Variants in DNM1 observed in about 807,000 individuals in gnomAD.
DNM1 encodes the protein dynamin 1.
A neutral mutation model predicts 104.6 loss-of-function variants in DNM1; 29 were observed. The ratio of observed to expected loss-of-function variants is 0.28; its 90% CI spans 0.21 to 0.38. The LOEUF is 0.38. Ranked by LOEUF, DNM1 falls within the 10% of genes least tolerant of loss-of-function variation. The pLI is 1.00. For missense variants in DNM1, 640 were observed against 1,189.4 expected (o/e 0.54, Z 6.79); for synonymous variants, 445 against 475.8 (o/e 0.94, Z 0.84).
chr9:128,208,823 T>G (rs1265914953), intron 1 of DNM1, among the ~76,000 whole-genome samples: 1 of 152,098 alleles, frequency 6.6e-6, no homozygotes. Context: ...TTCTGGGCCA[T>G]CAGAAGGCCT....
chr9:128,216,186 C>A (rs549924011), intron 1 of DNM1, among the ~76,000 whole-genome samples: 37 of 152,282 alleles, frequency 2.4e-4, no homozygotes, highest in African/African-American at 8.4e-4. Context: ...CCCCAGAGCC[C>A]GGCACAGGGC....
At chr9:128,225,904 C>A in intron 10 of DNM1, 1 of 736,278 alleles carries the variant, frequency 1.4e-6, no homozygotes, top group Non-Finnish European at 2.3e-6. Flanking sequence ...GTGTCGATGT[C>A]TCTCTCTCTT....
At chr9:128,206,983 A>G (rs1834010408) in intron 1 of DNM1, among the ~76,000 whole-genome samples, 1 of 152,054 alleles carries the variant, frequency 6.6e-6, no homozygotes, top group African/African-American at 2.4e-5. Context: ...CTTCAGCTGC[A>G]ACCAGAAGGA....
At chr9:128,215,234 C>G (rs1834534101) in intron 1 of DNM1, among the ~76,000 whole-genome samples, 1 of 152,218 alleles carries the variant, frequency 6.6e-6, no homozygotes, top group Non-Finnish European at 1.5e-5. Flanking sequence ...AAGGAGCCAG[C>G]CTGGCACTGG....
rs1834740536 is a variant in DNM1 at position 128,218,398 on chromosome 9, C to T, written c.235+94C>T. 3 of 1,482,674 alleles carry T rather than the reference C, an allele frequency of 2.0e-6. No individual in the cohort carries two copies. The South Asian group carries it at 3.4e-5, about 17-fold the overall frequency. 91.8% of individuals were successfully genotyped at this position (1,482,674 alleles called of 1,614,324 possible). A position where few individuals can be genotyped will look rare whatever the true frequency, so the allele number is the denominator to read the frequency against. ...GCCAGCCTGGCCACGAACTTGCTTG[C>T]TGTGTGACTGTGGGCCTCGTTCCCC... On this transcript the variant is annotated intron_variant, in intron 2 of 21. Coordinates refer to ENST00000372923, the MANE Select transcript of DNM1 (RefSeq NM_004408.4). The surrounding 1 kb of genome is among the most constrained non-coding windows in gnomAD (Gnocchi z 4.8).
chr9:128,221,003 C>T (rs1289704363), intron 6 of DNM1: 3 of 128,210 alleles, frequency 2.3e-5, no homozygotes, highest in African/African-American at 9.2e-5. Context: ...CCCTTCCTTC[C>T]TTCCTTCCTT....
intron 1 of DNM1, among the ~76,000 whole-genome samples, chr9:128,209,378 G>A (rs1185267294): frequency 1.3e-5 from 2 of 152,202 alleles, no homozygotes; most frequent in African/African-American, 4.8e-5. Flanking sequence ...ACCCAGGGAA[G>A]GGGGTGCAGG....
chr9:128,242,835 A>G (rs1252454471), intron 15 of DNM1, among the ~76,000 whole-genome samples: 2 of 150,472 alleles, frequency 1.3e-5, no homozygotes, highest in South Asian at 2.1e-4. Context: ...AGGGGGAGGC[A>G]CCCTCTCACC....
At position 128,254,513 on chromosome 9, in the gene DNM1, C is replaced by T; in HGVS notation, c.2535-141C>T. On this transcript the variant is annotated intron_variant, in intron 21 of 21. Coordinates refer to ENST00000372923, the MANE Select transcript of DNM1 (RefSeq NM_004408.4). This position sits in a 1 kb window ranked among gnomAD's most constrained non-coding sequence, Gnocchi z 6.1. ...CCCCTTTTCCAGGAACCTTGCCACA[C>T]CCACACCTGCAGCCTCCCCTCCCCG... The T allele has an allele frequency of 6.5e-7, 1 of 1,538,700 alleles. No individual in the cohort carries two copies. Among genetic ancestry groups the T allele is most frequent in the Non-Finnish European group, 8.7e-7 (1 of 1,151,086 alleles).
intron 1 of DNM1, among the ~76,000 whole-genome samples, chr9:128,208,241 AT>A (rs1280304929): frequency 6.6e-6 from 1 of 151,778 alleles, no homozygotes; most frequent in Non-Finnish European, 1.5e-5. Flanking sequence ...TGTATTTTTA[AT>A]AGAGATGGAG....
chr9:128,244,497 C>T (rs1050268653), intron 15 of DNM1, among the ~76,000 whole-genome samples: 24 of 151,924 alleles, frequency 1.6e-4, no homozygotes, highest in Admixed American at 1.5e-3. Flanking sequence ...TTGGGCAGAC[C>T]GGCGGCTGCC....
In DNM1 at chr9:128,248,797, G is replaced by A. The variant is rs201564853; in HGVS notation, c.2076+44G>A. 1.4e-4 allele frequency: 223 copies of A among 1,591,386 alleles called. 3 individuals are homozygous for A. In the African/African-American group the frequency reaches 2.6e-3, roughly 19 times the overall value. ...GGGGGCAGGGAAATCCTGTGGCACT[G>A]GGGATGCAGGTGGCCATGTTGGCCT... On this transcript the variant is annotated intron_variant, in intron 19 of 21. Transcript: ENST00000372923. The surrounding 1 kb of genome is among the most constrained non-coding windows in gnomAD (Gnocchi z 5.6).
In DNM1 at chr9:128,203,385, G is replaced by C. The variant is rs1187624228; in HGVS notation, c.-86G>C. 3.9e-6 allele frequency: 5 copies of C among 1,276,692 alleles called. No individual in the cohort carries two copies. In the South Asian group the frequency reaches 6.1e-5, roughly 16 times the overall value. The allele number at this position is 1,276,692 out of a possible 1,614,324, so 79.1% of individuals were successfully genotyped here. On this transcript the variant is annotated 5_prime_UTR_variant, in exon 1 of 22. Transcript: ENST00000372923. This position sits in a 1 kb window ranked among gnomAD's most constrained non-coding sequence, Gnocchi z 5.3. ...GGGGCCCCGCGGCGCAGGCAGTCTG[G>C]GCGCGCGGCTGCAGCGGCGGAGCCG... is the stretch of plus-strand genomic sequence containing the variant.
chr9:128,244,834 A>G (rs531926516), intron 15 of DNM1: 1 of 530,448 alleles, frequency 1.9e-6, no homozygotes, highest in African/African-American at 1.9e-5. Flanking sequence ...CCTCTGGTCC[A>G]TCCAGGCAGC....
intron 10 of DNM1, among the ~76,000 whole-genome samples, chr9:128,229,469 C>T (rs1249244449): frequency 2.6e-5 from 4 of 151,810 alleles, no homozygotes; most frequent in East Asian, 1.9e-4. Flanking sequence ...TGATGGCACA[C>T]GCCTGTAGTC....
intron 13 of DNM1, 28 bp downstream of exon 13, chr9:128,239,807 AG>A: frequency 6.2e-7 from 1 of 1,606,040 alleles, no homozygotes; most frequent in Non-Finnish European, 8.5e-7. Flanking sequence ...CCCCAGCCCG[AG>A]GGATGGAGGG....
rs61020870 is a variant in DNM1 at position 128,220,742 on chromosome 9, C to CGCGTGTGTGTGTGTGTGT, written c.849+402_849+403insCGTGTGTGTGTGTGTGTG. ...CAGAACTGAAGTGCGCGCGCGCGCG[C>CGCGTGTGTGTGTGTGTGT]GTGTGTGTGTGTGTGTGTGTGTGTG... On this transcript the variant is annotated intron_variant, in intron 6 of 21. Transcript: ENST00000372923. The surrounding 1 kb of genome is among the most constrained non-coding windows in gnomAD (Gnocchi z 5.2). 2.3e-4 allele frequency among the ~76,000 whole-genome samples: 31 copies of CGCGTGTGTGTGTGTGTGT among 136,362 alleles called. No homozygotes were observed. The highest frequency in any genetic ancestry group is 7.9e-4 in the African/African-American group (30 of 37,808). The allele number at this position is 136,362 out of a possible 152,430, so 89.5% of individuals were successfully genotyped here.
Position 128,250,925 on chromosome 9 carries a change from C to T in DNM1, c.2519C>T (p.Pro840Leu), listed in dbSNP as rs1829478863. 3 of 1,375,468 alleles carry T rather than the reference C, an allele frequency of 2.2e-6. No individual in the cohort carries two copies. Among genetic ancestry groups the T allele is most frequent in the East Asian group, 5.7e-5 (2 of 34,910 alleles). 85.2% of individuals were successfully genotyped at this position (1,375,468 alleles called of 1,614,324 possible). A position where few individuals can be genotyped will look rare whatever the true frequency, so the allele number is the denominator to read the frequency against. The change falls in exon 21 of 22, where the codon CCG becomes CTG. Residue 840 changes from proline (P) to leucine (L), a missense_variant. Physicochemically the swap from Pro to Leu is moderately conservative, Grantham distance 98. Transcript: ENST00000372923. ...PQVPSRPNRA[P>L]PGVPSRSGQA... ...GTGCCCTCGCGCCCCAACCGCGCCC[C>T]GCCCGGGGTCCCCAGGTGAGTAGGG...
chr9:128,219,113 C>G lies in DNM1; in HGVS notation c.450C>G (p.Pro150=), dbSNP rs143834670. 1.6e-3 allele frequency: 2,591 copies of G among 1,614,178 alleles called. 1 individual carries two copies. Among genetic ancestry groups the G allele is most frequent in the Non-Finnish European group, 2.1e-3 (2,475 of 1,180,042 alleles). ...AGGTCCCGGTGGGGGACCAACCTCC[C>G]GACATCGAGTTCCAGATCCGAGACA... ...MTKVPVGDQP[P]DIEFQIRDML... is the part of the protein sequence containing the mutation. The change falls in exon 4 of 22, where the codon CCC becomes CCG. Residue 150 remains proline (P), a synonymous_variant. Coordinates refer to ENST00000372923, the MANE Select transcript of DNM1 (RefSeq NM_004408.4).
Sources: gnomAD v4.1 joint callset for allele counts (sites outside exome capture counted in the v4.1 genomes callset) on GRCh38, gnomAD v4.1.1 for gene constraint, Gnocchi (gnomAD v3.1) non-coding constraint, MANE v1.5 for transcripts, NCBI Gene and HGNC (gene_info 2026-07-23, HGNC 2026-07-21) for gene names.